FBXO4: variants seen among roughly 807,000 people sequenced by gnomAD.
FBXO4 encodes the protein F-box only protein 4.
Under a neutral mutation model 43.7 loss-of-function variants are expected in FBXO4, and 36 were observed. The ratio of observed to expected loss-of-function variants is 0.82; its 90% confidence interval spans 0.63 to 1.09. The LOEUF is 1.09. Among genes scored for constraint, FBXO4 ranks in the 50% least tolerant of loss-of-function variants. FBXO4 has a pLI of 0.00. For missense variants in FBXO4, 435 were observed against 474.1 expected, an observed-to-expected ratio of 0.92 and a Z score of 0.77; for synonymous variants, 180 against 165.6, an observed-to-expected ratio of 1.09 and a Z score of -0.67.
the FBXO4 span, among the ~76,000 whole-genome samples, chr5:41,987,764 T>C: frequency 2.6e-5 from 4 of 152,228 alleles, no homozygotes; most frequent in African/African-American, 9.6e-5. Flanking sequence ...AACCTGATAA[T>C]AAGCTCATCA....
intron 5 of FBXO4, chr5:41,934,995 A>T: frequency 1.0e-6 from 1 of 984,800 alleles, no homozygotes; most frequent in Non-Finnish European, 1.2e-6. Flanking sequence ...TATTCAATTT[A>T]TTTTCCCTGT....
the FBXO4 span, chr5:41,951,595 G>C: frequency 4.4e-6 from 1 of 228,174 alleles, no homozygotes; most frequent in African/African-American, 2.3e-5. Context: ...GTTTGTAGAA[G>C]TAGAGATAAG....
the FBXO4 span, among the ~76,000 whole-genome samples, chr5:41,994,216 A>C: frequency 3.3e-5 from 5 of 152,264 alleles, no homozygotes; most frequent in Non-Finnish European, 7.3e-5. Flanking sequence ...CATAAAGTTA[A>C]CAATACTTAA....
At chr5:41,972,090 G>C in the FBXO4 span, among the ~76,000 whole-genome samples, 4 of 152,060 alleles carry the variant, frequency 2.6e-5, no homozygotes, top group African/African-American at 4.8e-5. Flanking sequence ...CCTAGCCAGA[G>C]CAATCAGTCA....
the FBXO4 span, among the ~76,000 whole-genome samples, chr5:42,033,732 G>A: frequency 6.6e-6 from 1 of 152,156 alleles, no homozygotes; most frequent in Non-Finnish European, 1.5e-5. Context: ...TGGCTGCATA[G>A]CATTCCGTGG....
At chr5:41,967,930 T>A in the FBXO4 span, 1 of 537,610 alleles carries the variant, frequency 1.9e-6, no homozygotes, top group Non-Finnish European at 3.8e-6. Context: ...CCTGGTTTTG[T>A]TGAGGATATG....
At chr5:42,023,152 C>A in the FBXO4 span, among the ~76,000 whole-genome samples, 2 of 151,896 alleles carry the variant, frequency 1.3e-5, no homozygotes, top group Non-Finnish European at 2.9e-5. Context: ...ACGTGGGCAA[C>A]CTGGGGAATG....
At chr5:42,013,207 G>C in the FBXO4 span, among the ~76,000 whole-genome samples, 1 of 152,128 alleles carries the variant, frequency 6.6e-6, no homozygotes, top group Non-Finnish European at 1.5e-5. Flanking sequence ...GGGAGGCTGG[G>C]AGGTCAAGGC....
chr5:41,925,624 C>A, intron 1 of FBXO4, 126 bp downstream of exon 1: 1 of 626,784 alleles, frequency 1.6e-6, no homozygotes, highest in Admixed American at 4.4e-5. Flanking sequence ...GTCCATGCAG[C>A]CATTCCTGGC....
At chr5:41,953,303 A>G in the FBXO4 span, among the ~76,000 whole-genome samples, 50 of 151,764 alleles carry the variant, frequency 3.3e-4, no homozygotes, top group African/African-American at 1.2e-3. Context: ...AATTTCATCC[A>G]TGTCCCTACA....
chr5:42,012,504 G>A, the FBXO4 span, among the ~76,000 whole-genome samples: 1 of 152,068 alleles, frequency 6.6e-6, no homozygotes, highest in Non-Finnish European at 1.5e-5. Context: ...CCCGTAAATT[G>A]GAGCTCCTAG....
the FBXO4 span, chr5:41,952,045 T>G: frequency 4.2e-6 from 1 of 240,496 alleles, no homozygotes; most frequent in Non-Finnish European, 8.3e-6. Flanking sequence ...TTCAGATTTA[T>G]GATGCAGATG....
chr5:41,954,488 C>T, the FBXO4 span, among the ~76,000 whole-genome samples: 1 of 152,184 alleles, frequency 6.6e-6, no homozygotes, highest in African/African-American at 2.4e-5. Flanking sequence ...CTCAAAGCAG[C>T]ACCCCTGACT....
At chr5:41,966,437 T>C in the FBXO4 span, among the ~76,000 whole-genome samples, 4 of 152,210 alleles carry the variant, frequency 2.6e-5, no homozygotes, top group African/African-American at 9.6e-5. Context: ...ACATGAATAA[T>C]TTATAAAATA....
chr5:41,943,317 T>C (rs1224676979), downstream of FBXO4, among the ~76,000 whole-genome samples: 5 of 152,158 alleles, frequency 3.3e-5, no homozygotes, highest in African/African-American at 4.8e-5. Flanking sequence ...AAAATTGTTA[T>C]GCATGCAACC....
chr5:41,965,699 G>A, the FBXO4 span, among the ~76,000 whole-genome samples: 15 of 152,260 alleles, frequency 9.9e-5, no homozygotes, highest in African/African-American at 3.4e-4. Context: ...AGAAATAGGA[G>A]CAATTTTACA....
At chr5:41,964,807 C>A in the FBXO4 span, among the ~76,000 whole-genome samples, 1 of 152,006 alleles carries the variant, frequency 6.6e-6, no homozygotes, top group East Asian at 1.9e-4. Flanking sequence ...GAGTAGATTG[C>A]AAAAATTTTC....
chr5:41,975,132 C>A, the FBXO4 span, among the ~76,000 whole-genome samples: 1 of 152,202 alleles, frequency 6.6e-6, no homozygotes, highest in African/African-American at 2.4e-5. Flanking sequence ...TTACTTTCAT[C>A]TGCAATCCCT....
intron 2 of FBXO4, chr5:41,928,777 C>G (rs1384248711): frequency 2.0e-5 from 3 of 152,470 alleles, no homozygotes; most frequent in Non-Finnish European, 4.4e-5. Context: ...TTTTCCCCTT[C>G]ATGAGTTACA....
Sources: allele counts gnomAD v4.1 joint callset (sites outside exome capture counted in the v4.1 genomes callset), GRCh38; gene constraint gnomAD v4.1.1; transcripts MANE v1.5; gene names NCBI Gene and HGNC (gene_info 2026-07-23, HGNC 2026-07-21).